The following PCDHGA6 variants were observed in gnomAD, a reference collection of about 807,000 sequenced individuals.
The protein encoded by PCDHGA6 is protocadherin gamma subfamily A, 6, also known as protocadherin gamma-A6.
PCDHGA6 carries 41 observed loss-of-function variants against 60.6 expected under a neutral mutation model. The ratio of observed to expected loss-of-function variants is 0.68; its 90% confidence interval spans 0.53 to 0.88. PCDHGA6 has a LOEUF of 0.88. PCDHGA6 is among the 40% of genes least tolerant of loss of function. The probability of loss-of-function intolerance (pLI) is 0.00; values close to 1 mark genes in which losing one functional copy is unlikely to be tolerated. For synonymous variants in PCDHGA6, 594 were observed against 524.4 expected (o/e 1.13, Z -1.81); for missense variants, 1,312 against 1,203.0 (o/e 1.09, Z -1.34).
intron 1 of PCDHGA6, chr5:141,384,177 T>C (rs1779802926): frequency 6.2e-7 from 1 of 1,613,720 alleles, no homozygotes; most frequent in African/African-American, 1.3e-5. Flanking sequence ...AAGCCACAGA[T>C]GGTGGAACTC....
rs1330784633 is a variant in PCDHGA6 at position 141,476,330 on chromosome 5, G to A, written c.2425-18477G>A. On this transcript the variant is annotated intron_variant, in intron 1 of 3. Transcript: ENST00000517434. This position sits in a 1 kb window ranked among gnomAD's most constrained non-coding sequence, Gnocchi z 7.6. ...CCGCAGGTTCCGGGTGGTGTCTGGA[G>A]CTAGCCGAAGATTCTTTGAGGTGAA... The A allele has an allele frequency of 1.2e-6, 2 of 1,614,092 alleles. No homozygotes were observed. The highest frequency in any genetic ancestry group is 1.6e-4 in the Middle Eastern group (1 of 6,084).
At chr5:141,502,914 T>G (rs78646636) in intron 2 of PCDHGA6, among the ~76,000 whole-genome samples, 4,865 of 139,540 alleles carry the variant, frequency 0.035, 119 homozygotes, top group South Asian at 0.075. Flanking sequence ...CAGGCTGGAG[T>G]GCAGTGGCAA....
chr5:141,375,806 G>A lies in PCDHGA6; in HGVS notation c.1723G>A (p.Val575Met). 1 of 1,614,206 alleles carries A rather than the reference G, an allele frequency of 6.2e-7. No individual in the cohort carries two copies. The highest frequency in any genetic ancestry group is 8.5e-7 in the Non-Finnish European group (1 of 1,180,032). Residue 575 changes from valine (V) to methionine (M), a missense_variant, in exon 1 of 4, where the codon GTG (valine) becomes ATG (methionine). Val to Met is a conservative substitution (Grantham distance 21). Coordinates refer to ENST00000517434, the MANE Select transcript of PCDHGA6 (RefSeq NM_018919.3). ...PALPTDGSTG[V>M]ELAPRSAEPG... The stretch of plus-strand genomic sequence containing the variant: ...CCTCCCCACAGACGGTTCCACTGGC[G>A]TGGAGCTGGCGCCCCGCTCCGCAGA...
chr5:141,416,728 T>C (rs2096057160), intron 1 of PCDHGA6: 1 of 152,232 alleles, frequency 6.6e-6, no homozygotes, highest in Non-Finnish European at 1.5e-5. Context: ...GTTCATTTAG[T>C]TCAATGAAAA....
rs1212381177 is a variant in PCDHGA6 at position 141,438,571 on chromosome 5, TATAC to T, written c.2425-56216_2425-56213del. ...GCCCTAATAAGAGGCAGCTGTCTGATATACATACATACATACATACATATATATA... is the reference window on the plus strand; with the variant it reads ...GCCCTAATAAGAGGCAGCTGTCTGATATACATACATACATACATATATATA... On this transcript the variant is annotated intron_variant, in intron 1 of 3. Transcript: ENST00000517434. 9.4e-4 allele frequency among the ~76,000 whole-genome samples: 89 copies of T among 94,500 alleles called. 1 individual carries two copies. The highest frequency in any genetic ancestry group is 1.8e-3 in the African/African-American group (37 of 20,720). The allele number at this position is 94,500 out of a possible 152,430, so 62.0% of individuals were successfully genotyped here.
intron 1 of PCDHGA6, chr5:141,417,547 G>C (rs756455730): frequency 9.7e-5 from 31 of 318,264 alleles, no homozygotes; most frequent in Non-Finnish European, 1.5e-4. Flanking sequence ...AAAATTCCTT[G>C]AAAGAGGTAG....
At chr5:141,457,062 T>C (rs1168687034) in intron 1 of PCDHGA6, among the ~76,000 whole-genome samples, 1 of 152,232 alleles carries the variant, frequency 6.6e-6, no homozygotes, top group Non-Finnish European at 1.5e-5. Context: ...GCTTCCTTTT[T>C]GCCAGTAACT....
intron 1 of PCDHGA6, chr5:141,403,943 A>T: frequency 6.2e-7 from 1 of 1,613,934 alleles, no homozygotes; most frequent in Non-Finnish European, 8.5e-7. Context: ...GAAAGGGTGG[A>T]CAAAAGTGCT....
chr5:141,491,895 A>C lies in PCDHGA6; in HGVS notation c.2425-2912A>C. 1.4e-6 allele frequency: 2 copies of C among 1,434,306 alleles called. No individual in the cohort carries two copies. The highest frequency in any genetic ancestry group is 1.8e-6 in the Non-Finnish European group (2 of 1,084,904). 88.8% of individuals were successfully genotyped at this position (1,434,306 alleles called of 1,614,324 possible). Reference sequence around the variant, plus strand: ...CCGATTAAGGGATGGGGCTCCGAGCACCGGGGGTGGTGGCGACTGTGGGCG... The same window carrying C: ...CCGATTAAGGGATGGGGCTCCGAGCCCCGGGGGTGGTGGCGACTGTGGGCG... On this transcript the variant is annotated intron_variant, in intron 1 of 3. Transcript: ENST00000517434. The surrounding 1 kb of genome is among the most constrained non-coding windows in gnomAD (Gnocchi z 6.9).
chr5:141,423,517 T>A (rs750915364), intron 1 of PCDHGA6: 1 of 1,613,834 alleles, frequency 6.2e-7, no homozygotes, highest in Admixed American at 1.7e-5. Context: ...CATTGCGGAC[T>A]CGCAGAAGAG....
At chr5:141,428,540 C>T (rs1561836755) in intron 1 of PCDHGA6, 6 of 268,146 alleles carry the variant, frequency 2.2e-5, no homozygotes, top group South Asian at 8.6e-5. Context: ...CTCACCATGA[C>T]ACCAGAAACA....
chr5:141,384,682 G>A (rs1780361260), intron 1 of PCDHGA6: 1 of 1,614,222 alleles, frequency 6.2e-7, no homozygotes, highest in African/African-American at 1.3e-5. Context: ...GGTGGCGGTG[G>A]ACAAAGATTC....
intron 1 of PCDHGA6, chr5:141,413,798 AAG>A (rs914638812): frequency 2.7e-5 from 44 of 1,613,066 alleles, no homozygotes; most frequent in Non-Finnish European, 3.5e-5. Context: ...GATCGCGAGG[AAG>A]AGGCCATTCA....
At chr5:141,440,859 T>C (rs1272611201) in intron 1 of PCDHGA6, 1 of 152,076 alleles carries the variant, frequency 6.6e-6, no homozygotes, top group Non-Finnish European at 1.5e-5. Context: ...CCTGTGTTCA[T>C]CTAGGATGTG....
At chr5:141,496,617 A>G (rs2099769939) in intron 2 of PCDHGA6, among the ~76,000 whole-genome samples, 2 of 152,236 alleles carry the variant, frequency 1.3e-5, no homozygotes, top group Admixed American at 1.3e-4. Flanking sequence ...AAAAAGCAGC[A>G]GATCAAAAGG....
At chr5:141,400,032 C>T (rs770927016) in intron 1 of PCDHGA6, 1 of 1,613,282 alleles carries the variant, frequency 6.2e-7, no homozygotes, top group Admixed American at 1.7e-5. Flanking sequence ...ACGCGGCCCG[C>T]CAGCGCCTGC....
intron 1 of PCDHGA6, chr5:141,441,550 G>C (rs2098254247): frequency 5.4e-6 from 1 of 184,034 alleles, no homozygotes; most frequent in Non-Finnish European, 1.1e-5. Context: ...AGCCTCCATA[G>C]TGTGCAAGTA....
In PCDHGA6 at chr5:141,510,992, T is replaced by C. The variant is rs879030278; in HGVS notation, c.2618T>C (p.Met873Thr). The change falls in exon 4 of 4, where the codon ATG (methionine) becomes ACG (threonine). Residue 873 changes from methionine to threonine, a missense_variant. By Grantham distance (81) the Met-to-Thr change is moderately conservative. Coordinates refer to ENST00000517434, the MANE Select transcript of PCDHGA6 (RefSeq NM_018919.3). ...SSTLGGGAGT[M>T]GLSARYGPQF... is the part of the protein sequence containing the mutation. ...ACCCTGGGAGGGGGTGCCGGCACCA[T>C]GGGATTGAGCGCCCGCTACGGACCC... The C allele has an allele frequency of 1.9e-6, 3 of 1,614,164 alleles. No individual in the cohort carries two copies. The highest frequency in any genetic ancestry group is 2.5e-6 in the Non-Finnish European group (3 of 1,180,006).
intron 1 of PCDHGA6, chr5:141,421,469 G>C (rs767500900): frequency 2.5e-6 from 4 of 1,614,122 alleles, no homozygotes; most frequent in Non-Finnish European, 3.4e-6. Context: ...GTGAATCCGC[G>C]AAGCGGCAGC....
Sources: gnomAD v4.1 joint callset for allele counts (sites outside exome capture counted in the v4.1 genomes callset) on GRCh38, gnomAD v4.1.1 for gene constraint, Gnocchi (gnomAD v3.1) non-coding constraint, MANE v1.5 for transcripts, NCBI Gene and HGNC (gene_info 2026-07-23, HGNC 2026-07-21) for gene names.